Variants in C14orf132 observed in about 807,000 individuals in gnomAD.
The protein encoded by C14orf132 is uncharacterized protein C14orf132.
C14orf132 carries 6 observed loss-of-function variants against 5.8 expected under a neutral mutation model. The observed-to-expected ratio is 1.03, with a 90% CI of 0.57 to 2.04. The LOEUF (loss-of-function observed/expected upper bound fraction) is 2.04, where lower values mean the gene tolerates loss of function less well. C14orf132 is among the 30% of genes most tolerant of loss of function. C14orf132 has a pLI of 0.00. For missense variants in C14orf132, 125 were observed against 115.8 expected, an observed-to-expected ratio of 1.08 and a Z score of -0.37; for synonymous variants, 51 against 49.8, an observed-to-expected ratio of 1.02 and a Z score of -0.10.
chr14:96,066,746 T>A (rs1887542424), intron 1 of C14orf132, among the ~76,000 whole-genome samples: 1 of 152,174 alleles, frequency 6.6e-6, no homozygotes. Flanking sequence ...AGTACACATC[T>A]AACTATAAGA....
At chr14:96,075,126 C>A (rs7153501) in intron 1 of C14orf132, among the ~76,000 whole-genome samples, 1 of 151,992 alleles carries the variant, frequency 6.6e-6, no homozygotes, top group Non-Finnish European at 1.5e-5. Context: ...AGATCCTGCA[C>A]GTATTTTGTT....
intron 1 of C14orf132, among the ~76,000 whole-genome samples, chr14:96,079,409 T>C (rs1169650609): frequency 6.6e-6 from 1 of 152,192 alleles, no homozygotes; most frequent in Non-Finnish European, 1.5e-5. Flanking sequence ...CCGAAATGTC[T>C]TCACCCCGTC....
chr14:96,046,524 C>G (rs1308529920), intron 1 of C14orf132, among the ~76,000 whole-genome samples: 2 of 152,186 alleles, frequency 1.3e-5, no homozygotes, highest in African/African-American at 2.4e-5. Flanking sequence ...ATCAAATGAC[C>G]ATTTTATTTG....
In C14orf132 at chr14:96,086,633, T is replaced by A; in HGVS notation, c.150T>A (p.Asp50Glu). The A allele has an allele frequency of 1.3e-6, 2 of 1,536,118 alleles. No individual in the cohort carries two copies. Among genetic ancestry groups the A allele is most frequent in the Non-Finnish European group, 1.7e-6 (2 of 1,146,918 alleles). ...AAANGQGQPE[D>E]PPRSSNDAVL... ...CCAATGGCCAGGGCCAGCCGGAAGA[T>A]CCTCCTCGGTCCTCCAACGACGCCG... The change falls in exon 2 of 2, where the codon GAT becomes GAA. Residue 50 changes from aspartate (D) to glutamate (E), a missense_variant. Physicochemically the swap from Asp to Glu is conservative, Grantham distance 45. Transcript: ENST00000555004.
intron 1 of C14orf132, among the ~76,000 whole-genome samples, chr14:96,058,651 C>T (rs1357281326): frequency 6.6e-6 from 1 of 152,164 alleles, no homozygotes; most frequent in African/African-American, 2.4e-5. Flanking sequence ...AATGCATCCA[C>T]GAGTCTGTGC....
intron 1 of C14orf132, among the ~76,000 whole-genome samples, chr14:96,045,202 C>T (rs1025253180): frequency 6.6e-6 from 1 of 152,190 alleles, no homozygotes; most frequent in Non-Finnish European, 1.5e-5. Context: ...TGCCTCAGAG[C>T]CTTCCAAGTG....
intron 1 of C14orf132, among the ~76,000 whole-genome samples, chr14:96,041,894 A>G (rs764654097): frequency 1.3e-5 from 2 of 152,254 alleles, no homozygotes; most frequent in Non-Finnish European, 2.9e-5. Context: ...GCTTCAAGAA[A>G]TGATGGGCCC....
chr14:96,085,784 A>G (rs1888162640), intron 1 of C14orf132, among the ~76,000 whole-genome samples: 3 of 152,198 alleles, frequency 2.0e-5, no homozygotes, highest in South Asian at 4.1e-4. Flanking sequence ...TCAGTGCATC[A>G]TTTATCATAG....
intron 1 of C14orf132, among the ~76,000 whole-genome samples, chr14:96,077,040 G>A (rs1255763868): frequency 2.0e-5 from 3 of 152,186 alleles, no homozygotes; most frequent in Non-Finnish European, 2.9e-5. Context: ...CTTTAAGCTT[G>A]TGAAGGTTTG....
chr14:96,064,858 G>T (rs1220168677), intron 1 of C14orf132, among the ~76,000 whole-genome samples: 1 of 152,058 alleles, frequency 6.6e-6, no homozygotes, highest in Admixed American at 6.6e-5. Flanking sequence ...AAAAAGTCAC[G>T]TCCTCATCTT....
Position 96,087,300 on chromosome 14 carries a change from G to A in C14orf132, c.*565G>A, listed in dbSNP as rs1888226189. The A allele has an allele frequency of 6.6e-6, 1 of 152,666 alleles. No homozygotes were observed. The highest frequency in any genetic ancestry group is 6.5e-5 in the Admixed American group (1 of 15,386). The allele number at this position is 152,666 out of a possible 1,614,324, so 9.5% of individuals were successfully genotyped here. A position where few individuals can be genotyped will look rare whatever the true frequency, so the allele number is the denominator to read the frequency against. Reference sequence around the variant, plus strand: ...ACACCTGGTCCCTTCCAAGACCCAAGTGCATTGGGAGACCCAGGGATGGGG... The same window carrying A: ...ACACCTGGTCCCTTCCAAGACCCAAATGCATTGGGAGACCCAGGGATGGGG... On this transcript the variant is annotated 3_prime_UTR_variant, in exon 2 of 2. Transcript: ENST00000555004.
chr14:96,070,823 C>T (rs1489071339), intron 1 of C14orf132, among the ~76,000 whole-genome samples: 20 of 152,066 alleles, frequency 1.3e-4, no homozygotes, highest in Admixed American at 1.3e-3. Flanking sequence ...GCCCTGTGTC[C>T]TCATGGGGTG....
chr14:96,068,468 CCCTG>C (rs1433907430), intron 1 of C14orf132, among the ~76,000 whole-genome samples: 2 of 152,180 alleles, frequency 1.3e-5, no homozygotes, highest in African/African-American at 2.4e-5. Flanking sequence ...CCTTCAGCCT[CCCTG>C]TCTGTAGAAA....
intron 1 of C14orf132, among the ~76,000 whole-genome samples, chr14:96,058,083 C>A (rs1887233100): frequency 6.6e-6 from 1 of 152,176 alleles, no homozygotes; most frequent in South Asian, 2.1e-4. Context: ...GCCCAATTTT[C>A]AGGTGAAGCA....
intron 1 of C14orf132, among the ~76,000 whole-genome samples, chr14:96,050,593 G>A (rs1019249661): frequency 1.7e-4 from 26 of 151,830 alleles, no homozygotes; most frequent in Admixed American, 3.9e-4. Flanking sequence ...CTCTGTGGGC[G>A]GCTGTCTTCT....
At position 96,039,731 on chromosome 14, in the gene C14orf132, G is replaced by C. The variant is rs965576903; in HGVS notation, c.27+204G>C. On this transcript the variant is annotated intron_variant, in intron 1 of 1. Transcript: ENST00000555004. This position sits in a 1 kb window ranked among gnomAD's most constrained non-coding sequence, Gnocchi z 5.3. ...TCTCCCGGGGTGGGGCGGGCTGCGC[G>C]CCCCGCACCCCCGCGGCTCGAGCTG... Among the ~76,000 whole-genome samples the C allele has an allele frequency of 6.6e-6, 1 of 152,110 alleles. No homozygotes were observed. The highest frequency in any genetic ancestry group is 1.5e-5 in the Non-Finnish European group (1 of 68,004).
intron 1 of C14orf132, among the ~76,000 whole-genome samples, chr14:96,073,986 A>G (rs1288350838): frequency 6.6e-6 from 1 of 152,218 alleles, no homozygotes; most frequent in African/African-American, 2.4e-5. Flanking sequence ...GAGCTGAACT[A>G]TGAAAACACG....
chr14:96,067,387 A>ACC (rs1887562895), intron 1 of C14orf132, among the ~76,000 whole-genome samples: 1 of 152,162 alleles, frequency 6.6e-6, no homozygotes, highest in South Asian at 2.1e-4. Context: ...AAGATAGCAC[A>ACC]GTGGTAAACT....
chr14:96,083,689 C>T (rs971279371), intron 1 of C14orf132, among the ~76,000 whole-genome samples: 5 of 152,240 alleles, frequency 3.3e-5, no homozygotes, highest in Admixed American at 2.6e-4. Flanking sequence ...CCCCTAGAGC[C>T]TCCAGAAGGA....
Sources: allele counts gnomAD v4.1 joint callset (sites outside exome capture counted in the v4.1 genomes callset), GRCh38; gene constraint gnomAD v4.1.1; non-coding constraint Gnocchi (gnomAD v3.1); transcripts MANE v1.5; gene names NCBI Gene and HGNC (gene_info 2026-07-23, HGNC 2026-07-21).